The following MACROD2 variants were observed in gnomAD, a reference collection of about 807,000 sequenced individuals.
The protein encoded by MACROD2 is mono-ADP ribosylhydrolase 2, also known as ADP-ribose glycohydrolase MACROD2.
Under a neutral mutation model 70.4 loss-of-function variants are expected in MACROD2, and 36 were observed. That is an observed-to-expected ratio of 0.51 (90% CI 0.39 to 0.68). The LOEUF is 0.68. Among genes scored for constraint, MACROD2 ranks in the 30% least tolerant of loss-of-function variants. The pLI is 0.00. For missense variants in MACROD2, 496 were observed against 538.4 expected (o/e 0.92, Z 0.78); for synonymous variants, 172 against 178.8 (o/e 0.96, Z 0.30).
intron 5 of MACROD2, among the ~76,000 whole-genome samples, chr20:14,792,446 C>T (rs921694126): frequency 6.6e-6 from 1 of 152,022 alleles, no homozygotes; most frequent in African/African-American, 2.4e-5. Context: ...GGGCTCAGTA[C>T]TGGTTAGGAA....
intron 7 of MACROD2, among the ~76,000 whole-genome samples, chr20:15,484,478 T>G (rs907578517): frequency 3.3e-5 from 5 of 152,176 alleles, no homozygotes; most frequent in Non-Finnish European, 5.9e-5. Context: ...GGCATTTCCT[T>G]TCTTCTATCT....
chr20:14,881,522 A>C (rs2073610951), intron 5 of MACROD2, among the ~76,000 whole-genome samples: 1 of 151,978 alleles, frequency 6.6e-6, no homozygotes. Flanking sequence ...TAAATTCCCT[A>C]GCCTGGCACC....
At chr20:15,157,196 G>A (rs1012094048) in intron 5 of MACROD2, among the ~76,000 whole-genome samples, 5 of 152,114 alleles carry the variant, frequency 3.3e-5, no homozygotes, top group African/African-American at 4.8e-5. Context: ...CAGTCTCAGC[G>A]GCTTGTGAGG....
At chr20:15,107,296 T>C (rs1473313436) in intron 5 of MACROD2, among the ~76,000 whole-genome samples, 1 of 152,036 alleles carries the variant, frequency 6.6e-6, no homozygotes, top group African/African-American at 2.4e-5. Context: ...AACAAAAATA[T>C]ATAATTCTAT....
At chr20:15,016,067 T>C (rs1343676538) in intron 5 of MACROD2, among the ~76,000 whole-genome samples, 1 of 152,022 alleles carries the variant, frequency 6.6e-6, no homozygotes, top group African/African-American at 2.4e-5. Context: ...TGTGGATCTT[T>C]CTGGAAAAAC....
At chr20:15,411,215 C>T (rs2046075440) in intron 6 of MACROD2, among the ~76,000 whole-genome samples, 1 of 150,538 alleles carries the variant, frequency 6.6e-6, no homozygotes, top group Non-Finnish European at 1.5e-5. Context: ...TTTTAAGCTA[C>T]CAACACAGAA....
chr20:15,113,923 C>T (rs1414143393), intron 5 of MACROD2, among the ~76,000 whole-genome samples: 1 of 152,004 alleles, frequency 6.6e-6, no homozygotes, highest in African/African-American at 2.4e-5. Context: ...GAGATCTTTC[C>T]TCTTGCTTCA....
chr20:14,634,115 C>G (rs760735050), intron 4 of MACROD2, among the ~76,000 whole-genome samples: 3 of 152,236 alleles, frequency 2.0e-5, no homozygotes, highest in Non-Finnish European at 4.4e-5. Flanking sequence ...CACACCCCCA[C>G]TTCTGACATG....
intron 3 of MACROD2, among the ~76,000 whole-genome samples, chr20:14,228,208 G>C (rs545745916): frequency 6.6e-6 from 1 of 151,836 alleles, no homozygotes; most frequent in Non-Finnish European, 1.5e-5. Context: ...GTGTGTGCGT[G>C]TGTAGACAAT....
rs572863793 is a variant in MACROD2, at chr20:14,148,349, A to G, written c.271+62621A>G. On this transcript the variant is annotated intron_variant, in intron 3 of 17. Transcript: ENST00000684519. ...GCTGGTGAATAAGCAGTTGAAGAAG[A>G]TTTTTGTGATATCTTACCATATTTA... is the stretch of plus-strand genomic sequence containing the variant. Among the ~76,000 whole-genome samples, 6 of 152,292 alleles carry G rather than the reference A, an allele frequency of 3.9e-5. No homozygotes were observed. In the South Asian group the frequency reaches 1.2e-3, roughly 32 times the overall value.
At chr20:15,665,925 A>G (rs866697965) in intron 8 of MACROD2, among the ~76,000 whole-genome samples, 6 of 151,960 alleles carry the variant, frequency 3.9e-5, no homozygotes, top group Non-Finnish European at 1.5e-5. Context: ...GACGTCCCAG[A>G]TCTTCATCTT....
intron 7 of MACROD2, among the ~76,000 whole-genome samples, chr20:15,448,760 C>A (rs1374935870): frequency 6.6e-6 from 1 of 152,096 alleles, no homozygotes; most frequent in Non-Finnish European, 1.5e-5. Context: ...ATATGAACAA[C>A]ATGTAAGTTA....
At chr20:14,474,374 A>G (rs2084565277) in intron 3 of MACROD2, among the ~76,000 whole-genome samples, 2 of 152,090 alleles carry the variant, frequency 1.3e-5, no homozygotes, top group African/African-American at 2.4e-5. Context: ...TTTTGTTAAG[A>G]CTTGTTTTGT....
intron 5 of MACROD2, among the ~76,000 whole-genome samples, chr20:14,698,098 G>C (rs756734882): frequency 1.4e-4 from 22 of 152,128 alleles, no homozygotes; most frequent in Non-Finnish European, 2.1e-4. Context: ...GCTGTGCTGA[G>C]CTGAAATGAA....
intron 5 of MACROD2, among the ~76,000 whole-genome samples, chr20:14,809,860 T>C (rs2072687869): frequency 6.6e-6 from 1 of 151,974 alleles, no homozygotes. Context: ...CCTGGACACA[T>C]ACACTGCCCC....
chr20:14,856,163 C>T (rs938281261), intron 5 of MACROD2, among the ~76,000 whole-genome samples: 12 of 152,154 alleles, frequency 7.9e-5, no homozygotes, highest in Non-Finnish European at 1.5e-4. Flanking sequence ...GCAACCTAAT[C>T]ATGTTGCCTT....
chr20:15,949,369 C>T (rs1483863021), intron 12 of MACROD2, among the ~76,000 whole-genome samples: 1 of 152,096 alleles, frequency 6.6e-6, no homozygotes, highest in Non-Finnish European at 1.5e-5. Flanking sequence ...GTCATTGAAT[C>T]ATCACCAAAT....
intron 8 of MACROD2, among the ~76,000 whole-genome samples, chr20:15,685,070 G>T (rs1023493817): frequency 6.6e-6 from 1 of 151,950 alleles, no homozygotes; most frequent in African/African-American, 2.4e-5. Context: ...TATTCTCACT[G>T]GTGGTATAAG....
At chr20:14,003,708 C>A in intron 2 of MACROD2, 1 of 476,214 alleles carries the variant, frequency 2.1e-6, no homozygotes, top group Admixed American at 2.3e-5. Flanking sequence ...GTAACAGGGT[C>A]TCCTTGGCAG....
Sources: gnomAD v4.1 joint callset for allele counts (sites outside exome capture counted in the v4.1 genomes callset) on GRCh38, gnomAD v4.1.1 for gene constraint, MANE v1.5 for transcripts, NCBI Gene and HGNC (gene_info 2026-07-23, HGNC 2026-07-21) for gene names.